Variants in PKIB observed in about 807,000 individuals in gnomAD.
PKIB encodes the protein cAMP-dependent protein kinase inhibitor beta.
In PKIB, 2 loss-of-function variants were observed where a neutral mutation model predicts 4.5. The observed-to-expected ratio is 0.44, with a 90% CI of 0.18 to 1.39. The LOEUF is 1.39. Ranked by LOEUF, PKIB falls within the 40% of genes most tolerant of loss-of-function variation. The pLI is 0.27. For synonymous variants in PKIB, 38 were observed against 36.0 expected (o/e 1.06, Z -0.20); for missense variants, 94 against 92.6 (o/e 1.02, Z -0.06).
chr6:122,714,873 T>C (rs1258212453), intron 3 of PKIB, among the ~76,000 whole-genome samples: 1 of 152,124 alleles, frequency 6.6e-6, no homozygotes, highest in Non-Finnish European at 1.5e-5. Flanking sequence ...CCTCTGCCTC[T>C]GGGTTCAAAC....
chr6:122,595,361 A>G (rs62422813), intron 3 of PKIB, among the ~76,000 whole-genome samples: 1,941 of 152,286 alleles, frequency 0.013, 16 homozygotes, highest in Non-Finnish European at 0.018. Context: ...GATGGCAAAC[A>G]TGGTAAGACT....
chr6:122,497,413 T>G (rs867347626), intron 2 of PKIB, among the ~76,000 whole-genome samples: 6 of 152,118 alleles, frequency 3.9e-5, no homozygotes, highest in African/African-American at 1.4e-4. Context: ...ACACCCTACT[T>G]AGAAGGCAAA....
intron 2 of PKIB, among the ~76,000 whole-genome samples, chr6:122,562,385 A>C (rs559204750): frequency 1.3e-5 from 2 of 152,294 alleles, no homozygotes; most frequent in East Asian, 3.9e-4. Flanking sequence ...ACAGCTGTTA[A>C]GATTTTTTCC....
chr6:122,516,098 G>A, intron 2 of PKIB, among the ~76,000 whole-genome samples: 1 of 152,282 alleles, frequency 6.6e-6, no homozygotes, highest in South Asian at 2.1e-4. Context: ...GTTTCTCACA[G>A]AATCTACTAT....
rs572325087 is a variant in PKIB, at chr6:122,509,887, C to T, written c.-248+31948C>T. On this transcript the variant is annotated intron_variant, in intron 2 of 6. Transcript: ENST00000392491. ...TTGTAAAGGCAAGTCTGAGTCAATC[C>T]TACTGATCTGGGCTTGTTGAGTTTT... 2.6e-5 allele frequency among the ~76,000 whole-genome samples: 4 copies of T among 151,656 alleles called. No individual in the cohort carries two copies. The South Asian group carries it at 8.3e-4, about 32-fold the overall frequency.
chr6:122,567,064 T>G (rs559223420), intron 2 of PKIB, among the ~76,000 whole-genome samples: 48 of 152,184 alleles, frequency 3.2e-4, no homozygotes, highest in Non-Finnish European at 6.3e-4. Context: ...AGGTAAAAAT[T>G]TCAATAGGCT....
chr6:122,595,759 C>A (rs183003296), intron 3 of PKIB, among the ~76,000 whole-genome samples: 186 of 152,258 alleles, frequency 1.2e-3, no homozygotes, highest in African/African-American at 4.4e-3. Context: ...GTTGCTGAGT[C>A]CATGTGTAAC....
chr6:122,670,163 G>A (rs1173303780), intron 2 of PKIB, among the ~76,000 whole-genome samples: 1 of 152,048 alleles, frequency 6.6e-6, no homozygotes, highest in Non-Finnish European at 1.5e-5. Context: ...CTTTCAGTAT[G>A]TAACCTGGAA....
At chr6:122,540,054 A>G (rs1320500744) in intron 2 of PKIB, among the ~76,000 whole-genome samples, 3 of 151,788 alleles carry the variant, frequency 2.0e-5, no homozygotes, top group Non-Finnish European at 4.4e-5. Context: ...TATTGCGTCT[A>G]TTTGATTCTT....
chr6:122,641,679 C>T (rs1039646372), intron 2 of PKIB, among the ~76,000 whole-genome samples: 2 of 151,982 alleles, frequency 1.3e-5, no homozygotes, highest in African/African-American at 4.8e-5. Flanking sequence ...TAGAGGCATT[C>T]CTTGTTACTG....
At chr6:122,557,234 A>G (rs1772871936) in intron 2 of PKIB, among the ~76,000 whole-genome samples, 2 of 152,174 alleles carry the variant, frequency 1.3e-5, no homozygotes, top group Non-Finnish European at 2.9e-5. Context: ...AACAGGCTCA[A>G]GCAGATCTTC....
At chr6:122,595,469 G>C (rs1774149929) in intron 3 of PKIB, among the ~76,000 whole-genome samples, 1 of 151,716 alleles carries the variant, frequency 6.6e-6, no homozygotes, top group Non-Finnish European at 1.5e-5. Context: ...CATGACAGTG[G>C]ATAAGGCATT....
chr6:122,499,930 G>C (rs1255722943), intron 2 of PKIB, among the ~76,000 whole-genome samples: 1 of 152,070 alleles, frequency 6.6e-6, no homozygotes, highest in Non-Finnish European at 1.5e-5. Flanking sequence ...TCCAACTCAA[G>C]AATGCAATTC....
intron 2 of PKIB, chr6:122,481,961 G>GT (rs11381951): frequency 0.64 from 93,085 of 144,580 alleles, 30,569 homozygotes; most frequent in South Asian, 0.76. Context: ...GCAAAGGTAA[G>GT]TTTTGTTTTT....
At chr6:122,586,644 T>C (rs1773856381) in intron 3 of PKIB, among the ~76,000 whole-genome samples, 2 of 152,174 alleles carry the variant, frequency 1.3e-5, no homozygotes, top group African/African-American at 4.8e-5. Flanking sequence ...GAAAGTCCTT[T>C]CCCTGTACTT....
intron 3 of PKIB, among the ~76,000 whole-genome samples, chr6:122,595,725 C>T (rs1042575782): frequency 2.6e-5 from 4 of 152,290 alleles, no homozygotes; most frequent in Admixed American, 6.5e-5. Context: ...GTAACCAGGT[C>T]AGTCTTGGTG....
chr6:122,703,779 CACATATATATACATATATGT>C (rs964603260), intron 3 of PKIB, among the ~76,000 whole-genome samples: 1 of 150,246 alleles, frequency 6.7e-6, no homozygotes, highest in Non-Finnish European at 1.5e-5. Flanking sequence ...TACATACACA[CACATATATATACATATATGT>C]ATATATGTAT....
At chr6:122,519,262 A>T (rs1776861987) in intron 2 of PKIB, among the ~76,000 whole-genome samples, 1 of 152,046 alleles carries the variant, frequency 6.6e-6, no homozygotes, top group African/African-American at 2.4e-5. Context: ...ATGCCTGATG[A>T]TCTGTCACTG....
chr6:122,533,913 C>A (rs1052511290), intron 2 of PKIB, among the ~76,000 whole-genome samples: 1 of 151,882 alleles, frequency 6.6e-6, no homozygotes, highest in Non-Finnish European at 1.5e-5. Context: ...ATTTAGGCTT[C>A]CTACTTCCTG....
Sources: gnomAD v4.1 joint callset for allele counts (sites outside exome capture counted in the v4.1 genomes callset) on GRCh38, gnomAD v4.1.1 for gene constraint, MANE v1.5 for transcripts, NCBI Gene and HGNC (gene_info 2026-07-23, HGNC 2026-07-21) for gene names.